The following TPO variants were observed in gnomAD, a reference collection of about 807,000 sequenced individuals.
TPO encodes the protein thyroid microsomal antigen.
In TPO, 78 loss-of-function variants were observed where a neutral mutation model predicts 96.9. The observed-to-expected ratio is 0.81, with a 90% CI of 0.67 to 0.97. The LOEUF is 0.97. Among genes scored for constraint, TPO ranks in the 50% least tolerant of loss-of-function variants. TPO has a pLI of 0.00. For synonymous variants in TPO, 547 were observed against 538.0 expected (o/e 1.02, Z -0.23); for missense variants, 1,252 against 1,274.8 (o/e 0.98, Z 0.27).
rs1170724239 is a variant in TPO, at chr2:1,535,643, GTGTGCAACCTCCTCAAATCCCCCCACTC to G, written c.2619-4938_2619-4911del. Among the ~76,000 whole-genome samples, 21 of 70,594 alleles carry G rather than the reference GTGTGCAACCTCCTCAAATCCCCCCACTC, an allele frequency of 3.0e-4. 2 individuals are homozygous for G. The highest frequency in any genetic ancestry group is 1.1e-3 in the African/African-American group (20 of 18,240). 46.3% of individuals were successfully genotyped at this position (70,594 alleles called of 152,430 possible). A position where few individuals can be genotyped will look rare whatever the true frequency, so the allele number is the denominator to read the frequency against. On this transcript the variant is annotated intron_variant, in intron 15 of 16. Transcript: ENST00000329066. ...CAACCTCCTCAAATCCTCCCTCGCTGTGTGCAACCTCCTCAAATCCCCCCACTCTGTGCAACCTCCCCACATGCCCCCA... is the reference window on the plus strand; with the variant it reads ...CAACCTCCTCAAATCCTCCCTCGCTGTGTGCAACCTCCCCACATGCCCCCA...
In TPO at chr2:1,456,018, A is replaced by T. The variant is rs992238809; in HGVS notation, c.613-58A>T. On this transcript the variant is annotated intron_variant, in intron 6 of 16. Coordinates refer to ENST00000329066, the MANE Select transcript of TPO (RefSeq NM_001206744.2). Reference sequence around the variant, plus strand: ...AGGAAGTGCATGATCCCAAAGGGTCATCTTTCTGCTACCACAGGGTCCTCC... The same window carrying T: ...AGGAAGTGCATGATCCCAAAGGGTCTTCTTTCTGCTACCACAGGGTCCTCC... The T allele has an allele frequency of 1.8e-5, 28 of 1,550,134 alleles. No individual in the cohort carries two copies. The African/African-American group carries it at 3.3e-4, about 18-fold the overall frequency.
At chr2:1,387,138 C>T (rs1326369069) in intron 1 of TPO, among the ~76,000 whole-genome samples, 7 of 152,172 alleles carry the variant, frequency 4.6e-5, no homozygotes, top group Non-Finnish European at 7.3e-5. Context: ...TCTGGCTGCC[C>T]TTAACATTTT....
chr2:1,538,066 A>G (rs1158133121), intron 15 of TPO, among the ~76,000 whole-genome samples: 1 of 71,502 alleles, frequency 1.4e-5, no homozygotes, highest in African/African-American at 8.2e-5. Flanking sequence ...AATCCCCCAC[A>G]CTGTGTGCAG....
intron 6 of TPO, among the ~76,000 whole-genome samples, chr2:1,454,034 G>C (rs956967336): frequency 5.9e-5 from 9 of 152,294 alleles, no homozygotes; most frequent in South Asian, 4.1e-4. Flanking sequence ...TTAGTGAGTG[G>C]AACCCTGCAG....
intron 13 of TPO, among the ~76,000 whole-genome samples, chr2:1,502,470 A>G (rs1002258336): frequency 2.0e-5 from 3 of 152,114 alleles, no homozygotes; most frequent in Admixed American, 2.0e-4. Flanking sequence ...GCTCACTGCA[A>G]CCTCCGCTTC....
intron 1 of TPO, among the ~76,000 whole-genome samples, chr2:1,386,474 T>G (rs981732254): frequency 6.6e-5 from 10 of 152,092 alleles, no homozygotes; most frequent in Admixed American, 6.5e-4. Context: ...AATGGCCTTC[T>G]TTGTCTCTTT....
chr2:1,514,692 G>C (rs1422370073), intron 14 of TPO, among the ~76,000 whole-genome samples: 2 of 152,206 alleles, frequency 1.3e-5, no homozygotes, highest in African/African-American at 2.4e-5. Flanking sequence ...GTCTCAGCTG[G>C]GTATCTCCCA....
intron 8 of TPO, among the ~76,000 whole-genome samples, chr2:1,483,525 C>T (rs1670836572): frequency 6.6e-6 from 1 of 152,182 alleles, no homozygotes; most frequent in African/African-American, 2.4e-5. Flanking sequence ...TAGGAGGAGC[C>T]CCTTGGACAC....
At chr2:1,479,320 A>T (rs1374388342) in intron 8 of TPO, among the ~76,000 whole-genome samples, 1 of 152,198 alleles carries the variant, frequency 6.6e-6, no homozygotes, top group Non-Finnish European at 1.5e-5. Context: ...GCAGATGTTC[A>T]TCCATTTAAT....
intron 8 of TPO, among the ~76,000 whole-genome samples, chr2:1,479,792 CT>C (rs60629249): frequency 1.4e-4 from 21 of 150,256 alleles, no homozygotes; most frequent in Admixed American, 6.6e-5. Flanking sequence ...CCTTCTTCTT[CT>C]TTTTTTTTGA....
At position 1,414,404 on chromosome 2, in the gene TPO, T is replaced by G; in HGVS notation, c.-1-4T>G. On this transcript the variant is annotated splice_polypyrimidine_tract_variant and splice_region_variant and intron_variant, in intron 1 of 16. Transcript: ENST00000329066. ...CATACTCTGTCTCCTTCCGTTAATTTTAGAATGAGAGCGCTCGCTGTGCTG... is the reference window on the plus strand; with the variant it reads ...CATACTCTGTCTCCTTCCGTTAATTGTAGAATGAGAGCGCTCGCTGTGCTG... 1 of 1,612,744 alleles carries G rather than the reference T, an allele frequency of 6.2e-7. No homozygotes were observed. Among genetic ancestry groups the G allele is most frequent in the Non-Finnish European group, 8.5e-7 (1 of 1,179,352 alleles).
At chr2:1,527,732 C>G (rs1256225278) in intron 15 of TPO, among the ~76,000 whole-genome samples, 1 of 147,950 alleles carries the variant, frequency 6.8e-6, no homozygotes. Context: ...GCAACCTCAC[C>G]AAATTTCTCC....
chr2:1,497,273 G>A (rs1385709415), intron 13 of TPO, among the ~76,000 whole-genome samples: 1 of 152,212 alleles, frequency 6.6e-6, no homozygotes, highest in Non-Finnish European at 1.5e-5. Context: ...GAGCAGGATG[G>A]GGAGGCACCT....
chr2:1,402,791 GA>G (rs1301085800), intron 1 of TPO, among the ~76,000 whole-genome samples: 2 of 152,138 alleles, frequency 1.3e-5, no homozygotes, highest in African/African-American at 2.4e-5. Flanking sequence ...CAGCACCTGG[GA>G]ATTATGGGAG....
chr2:1,456,140 A>G lies in TPO; in HGVS notation c.677A>G (p.Tyr226Cys), dbSNP rs1375982687. 6.2e-7 allele frequency: 1 copy of G among 1,614,110 alleles called. No individual in the cohort carries two copies. Among genetic ancestry groups the G allele is most frequent in the Non-Finnish European group, 8.5e-7 (1 of 1,180,038 alleles). Residue 226 changes from tyrosine to cysteine, a missense_variant, in exon 7 of 17, where the codon TAT becomes TGT. Tyr to Cys is a radical substitution (Grantham distance 194). Transcript: ENST00000329066. Reference sequence around the variant, plus strand: ...GAGGTTGTCACAGATGATGACCGCTATTCTGACCTCCTGATGGCATGGGGA... The same window carrying G: ...GAGGTTGTCACAGATGATGACCGCTGTTCTGACCTCCTGATGGCATGGGGA... Reference protein sequence around the residue: ...SNEVVTDDDRYSDLLMAWGQY... With the variant: ...SNEVVTDDDRCSDLLMAWGQY...
intron 13 of TPO, among the ~76,000 whole-genome samples, chr2:1,497,575 C>T (rs1321725425): frequency 5.3e-5 from 8 of 152,176 alleles, no homozygotes; most frequent in Non-Finnish European, 8.8e-5. Flanking sequence ...AAACCTGGAC[C>T]GCTGGTTCTG....
intron 15 of TPO, among the ~76,000 whole-genome samples, chr2:1,535,774 C>CAG (rs1679505613): frequency 1.1e-5 from 1 of 87,496 alleles, no homozygotes; most frequent in Non-Finnish European, 2.3e-5. Context: ...CTCCCGAAAT[C>CAG]CCCCCAACTC....
intron 1 of TPO, among the ~76,000 whole-genome samples, chr2:1,374,963 T>G (rs1182258238): frequency 1.3e-5 from 2 of 152,050 alleles, no homozygotes; most frequent in Admixed American, 6.6e-5. Flanking sequence ...TCTCCTGAAC[T>G]CGTCATCTAC....
chr2:1,404,706 C>T (rs780478974), intron 1 of TPO, among the ~76,000 whole-genome samples: 1 of 152,120 alleles, frequency 6.6e-6, no homozygotes, highest in African/African-American at 2.4e-5. Context: ...AACAAATGTC[C>T]GTGGTTTAAA....
Sources: gnomAD v4.1 joint callset for allele counts (sites outside exome capture counted in the v4.1 genomes callset) on GRCh38, gnomAD v4.1.1 for gene constraint, MANE v1.5 for transcripts, NCBI Gene and HGNC (gene_info 2026-07-23, HGNC 2026-07-21) for gene names.